ABTB3: variants seen among roughly 807,000 people sequenced by gnomAD.
ABTB3 encodes ankyrin repeat and BTB domain containing 3, also known as ankyrin repeat- and BTB/POZ domain-containing protein 3.
chr12:107,621,201 C>T, the ABTB3 span, among the ~76,000 whole-genome samples: 34 of 152,260 alleles, frequency 2.2e-4, no homozygotes, highest in South Asian at 1.2e-3. Flanking sequence ...ATCCTTAGCC[C>T]GGTGTCCCTG....
At chr12:107,472,395 G>A in the ABTB3 span, among the ~76,000 whole-genome samples, 1 of 152,192 alleles carries the variant, frequency 6.6e-6, no homozygotes, top group Non-Finnish European at 1.5e-5. Flanking sequence ...CAGGAGCCAG[G>A]ATAAGACAAA....
chr12:107,632,027 G>C, the ABTB3 span, among the ~76,000 whole-genome samples: 2 of 152,174 alleles, frequency 1.3e-5, no homozygotes, highest in Non-Finnish European at 2.9e-5. Context: ...TTTGGAACAA[G>C]CATGGCCAGC....
At chr12:107,563,668 G>A in the ABTB3 span, among the ~76,000 whole-genome samples, 4 of 152,104 alleles carry the variant, frequency 2.6e-5, no homozygotes, top group African/African-American at 9.7e-5. Context: ...GGTTATGGAG[G>A]GCTCTTGGAG....
the ABTB3 span, among the ~76,000 whole-genome samples, chr12:107,323,965 T>C: frequency 6.6e-6 from 1 of 152,208 alleles, no homozygotes; most frequent in African/African-American, 2.4e-5. Flanking sequence ...GTTGGACCTC[T>C]AGGATTTGAA....
chr12:107,512,783 T>A, the ABTB3 span, among the ~76,000 whole-genome samples: 6 of 152,348 alleles, frequency 3.9e-5, no homozygotes, highest in South Asian at 1.2e-3. Context: ...AAAGTAGAGA[T>A]AATAATGGCA....
At chr12:107,425,143 G>C in the ABTB3 span, among the ~76,000 whole-genome samples, 1 of 152,094 alleles carries the variant, frequency 6.6e-6, no homozygotes, top group Non-Finnish European at 1.5e-5. Context: ...TTTATCTCTC[G>C]ACAGTCCACG....
the ABTB3 span, among the ~76,000 whole-genome samples, chr12:107,547,272 A>C: frequency 6.6e-6 from 1 of 152,002 alleles, no homozygotes; most frequent in Non-Finnish European, 1.5e-5. Flanking sequence ...AACAACAACA[A>C]CCACAACCCT....
the ABTB3 span, chr12:107,642,247 A>C: frequency 1.5e-6 from 2 of 1,361,896 alleles, no homozygotes; most frequent in Non-Finnish European, 2.1e-6. Flanking sequence ...CCTCAGCCTG[A>C]GGATTGGCCA....
chr12:107,363,135 G>C, the ABTB3 span, among the ~76,000 whole-genome samples: 1 of 152,192 alleles, frequency 6.6e-6, no homozygotes, highest in Non-Finnish European at 1.5e-5. Context: ...ATTGTCCCCG[G>C]GTTGAAATGG....
chr12:107,615,289 T>A, the ABTB3 span: 1 of 678,906 alleles, frequency 1.5e-6, no homozygotes, highest in Non-Finnish European at 2.5e-6. Context: ...TTCAATATAG[T>A]ATATTCATAT....
the ABTB3 span, among the ~76,000 whole-genome samples, chr12:107,596,403 A>G: frequency 6.6e-6 from 1 of 152,222 alleles, no homozygotes; most frequent in African/African-American, 2.4e-5. Flanking sequence ...ACTTGAGGTC[A>G]GGAGTTCAAG....
At chr12:107,386,933 G>C in the ABTB3 span, among the ~76,000 whole-genome samples, 1 of 148,086 alleles carries the variant, frequency 6.8e-6, no homozygotes, top group Non-Finnish European at 1.5e-5. Context: ...GTATGTGTGC[G>C]CATGCTTGCA....
the ABTB3 span, chr12:107,520,352 T>G: frequency 6.8e-7 from 1 of 1,468,914 alleles, no homozygotes. Context: ...AGAGCGTTGG[T>G]TCCTACATTG....
chr12:107,422,074 G>A, the ABTB3 span, among the ~76,000 whole-genome samples: 1 of 152,180 alleles, frequency 6.6e-6, no homozygotes, highest in African/African-American at 2.4e-5. Flanking sequence ...AGGCTGGGAG[G>A]TAGATAGGTT....
At chr12:107,548,041 A>G in the ABTB3 span, among the ~76,000 whole-genome samples, 4 of 152,170 alleles carry the variant, frequency 2.6e-5, no homozygotes, top group African/African-American at 4.8e-5. Flanking sequence ...GCACTGGAAA[A>G]CACATGTGGA....
At chr12:107,429,320 G>A in the ABTB3 span, among the ~76,000 whole-genome samples, 5 of 152,300 alleles carry the variant, frequency 3.3e-5, no homozygotes, top group Admixed American at 2.0e-4. Context: ...TATATCTTTT[G>A]CCTCTGAGCT....
At chr12:107,415,550 A>T in the ABTB3 span, among the ~76,000 whole-genome samples, 1 of 151,510 alleles carries the variant, frequency 6.6e-6, no homozygotes, top group African/African-American at 2.4e-5. Flanking sequence ...CTACTAAAAA[A>T]CCAAAAAATT....
the ABTB3 span, chr12:107,319,846 C>A: frequency 5.7e-6 from 7 of 1,237,442 alleles, no homozygotes; most frequent in South Asian, 2.4e-5. Flanking sequence ...GCGCCTGCAG[C>A]GCAGCCAGCA....
chr12:107,635,989 C>T, the ABTB3 span, among the ~76,000 whole-genome samples: 1 of 151,882 alleles, frequency 6.6e-6, no homozygotes, highest in Admixed American at 6.6e-5. Context: ...TTCTGGGAGG[C>T]GTGCACTGTG....
Sources: allele counts gnomAD v4.1 joint callset (sites outside exome capture counted in the v4.1 genomes callset), GRCh38; gene constraint gnomAD v4.1.1; transcripts MANE v1.5; gene names NCBI Gene and HGNC (gene_info 2026-07-23, HGNC 2026-07-21).